Variants in CNGB3 observed in about 807,000 individuals in gnomAD.
CNGB3 encodes the protein cyclic nucleotide-gated channel beta-3.
In CNGB3, 86 loss-of-function variants were observed where a neutral mutation model predicts 92.8. That is an observed-to-expected ratio of 0.93 (90% CI 0.78 to 1.11). CNGB3 has a LOEUF of 1.11. Ranked by LOEUF, CNGB3 falls within the 50% of genes least tolerant of loss-of-function variation. The probability of loss-of-function intolerance (pLI) is 0.00; values close to 1 mark genes in which losing one functional copy is unlikely to be tolerated. For missense variants in CNGB3, 1,026 were observed against 956.8 expected (o/e 1.07, Z -0.95); for synonymous variants, 333 against 332.7 (o/e 1.00, Z -0.01).
intron 3 of CNGB3, among the ~76,000 whole-genome samples, chr8:86,694,934 G>A (rs1824417711): frequency 6.6e-6 from 1 of 152,202 alleles, no homozygotes. Context: ...AGCACTTTGG[G>A]AGGCTAAGGC....
At chr8:86,645,546 A>G (rs1823280361) in intron 8 of CNGB3, among the ~76,000 whole-genome samples, 1 of 151,308 alleles carries the variant, frequency 6.6e-6, no homozygotes, top group Admixed American at 6.6e-5. Context: ...TGTGCTTCAA[A>G]TCATAGACTC....
chr8:86,640,953 T>C (rs1038268897), intron 10 of CNGB3, among the ~76,000 whole-genome samples: 1 of 151,828 alleles, frequency 6.6e-6, no homozygotes, highest in Non-Finnish European at 1.5e-5. Flanking sequence ...TCCCAGGAGG[T>C]TAAGCATCCT....
chr8:86,704,182 G>A (rs1258766498), intron 3 of CNGB3: 1 of 152,192 alleles, frequency 6.6e-6, no homozygotes, highest in African/African-American at 2.4e-5. Flanking sequence ...CCAGAGAAGA[G>A]AAAATGTTAT....
intron 9 of CNGB3, 113 bp downstream of exon 9, chr8:86,644,509 C>A: frequency 7.2e-7 from 1 of 1,393,154 alleles, no homozygotes; most frequent in South Asian, 1.3e-5. Context: ...ATAGCCAAAG[C>A]TGAAATTATA....
At chr8:86,728,880 A>G (rs1563768514) in intron 2 of CNGB3, among the ~76,000 whole-genome samples, 2 of 152,178 alleles carry the variant, frequency 1.3e-5, no homozygotes, top group Non-Finnish European at 2.9e-5. Context: ...TAGAATCTGT[A>G]CTGTAAAACA....
At chr8:86,677,358 A>T (rs1428915887) in intron 3 of CNGB3, among the ~76,000 whole-genome samples, 2 of 152,244 alleles carry the variant, frequency 1.3e-5, no homozygotes, top group African/African-American at 4.8e-5. Flanking sequence ...CAATACATTC[A>T]GTTTAGTAAA....
At chr8:86,737,778 C>G (rs1825272161) in intron 2 of CNGB3, among the ~76,000 whole-genome samples, 1 of 152,118 alleles carries the variant, frequency 6.6e-6, no homozygotes, top group Admixed American at 6.5e-5. Flanking sequence ...TTGTTCCCAT[C>G]TTTATATGTG....
chr8:86,715,977 A>G (rs963969632), intron 3 of CNGB3, among the ~76,000 whole-genome samples: 1 of 152,018 alleles, frequency 6.6e-6, no homozygotes, highest in Non-Finnish European at 1.5e-5. Flanking sequence ...AAGTATAATA[A>G]TAATAAAAAA....
intron 15 of CNGB3, among the ~76,000 whole-genome samples, chr8:86,600,760 C>T (rs1403336471): frequency 2.1e-5 from 3 of 145,210 alleles, no homozygotes; most frequent in Middle Eastern, 3.8e-3. Flanking sequence ...CAGGTGCCCA[C>T]CACCACGCTC....
At chr8:86,653,362 T>C (rs1435119667) in intron 7 of CNGB3, among the ~76,000 whole-genome samples, 1 of 151,932 alleles carries the variant, frequency 6.6e-6, no homozygotes, top group Non-Finnish European at 1.5e-5. Context: ...GATGTAATCA[T>C]TGTAGATTTC....
intron 13 of CNGB3, 97 bp downstream of exon 13, chr8:86,625,886 A>G: frequency 2.0e-6 from 2 of 995,908 alleles, no homozygotes; most frequent in Non-Finnish European, 3.1e-6. Flanking sequence ...ACTTTGTTAA[A>G]ACATAAGGCA....
intron 15 of CNGB3, chr8:86,594,306 A>G: frequency 3.3e-6 from 1 of 300,702 alleles, no homozygotes; most frequent in South Asian, 3.1e-5. Flanking sequence ...AAGGAGTGGG[A>G]GAAGTCTACA....
At chr8:86,622,907 T>G (rs560886698) in intron 13 of CNGB3, among the ~76,000 whole-genome samples, 244 of 152,328 alleles carry the variant, frequency 1.6e-3, no homozygotes, top group Non-Finnish European at 3.1e-3. Context: ...CATCAAAATA[T>G]TGATGGAAAT....
intron 10 of CNGB3, among the ~76,000 whole-genome samples, chr8:86,639,506 A>G (rs1039263823): frequency 2.0e-5 from 3 of 152,098 alleles, no homozygotes; most frequent in Admixed American, 2.0e-4. Context: ...TGTTCCATTT[A>G]TGCCCCACAG....
At chr8:86,688,227 G>T (rs758117367) in intron 3 of CNGB3, among the ~76,000 whole-genome samples, 1 of 151,934 alleles carries the variant, frequency 6.6e-6, no homozygotes, top group African/African-American at 2.4e-5. Flanking sequence ...TTGTGAACCT[G>T]AGCTAAGATG....
intron 7 of CNGB3, among the ~76,000 whole-genome samples, chr8:86,648,559 A>G (rs1823336105): frequency 6.6e-6 from 1 of 151,264 alleles, no homozygotes; most frequent in Non-Finnish European, 1.5e-5. Flanking sequence ...TCATGTATTA[A>G]AATTATTTTG....
intron 14 of CNGB3, 57 bp downstream of exon 14, chr8:86,611,531 T>C: frequency 7.3e-7 from 1 of 1,373,424 alleles, no homozygotes; most frequent in South Asian, 1.2e-5. Flanking sequence ...TTGACTTATG[T>C]CCGAAATCCT....
chr8:86,726,235 G>A (rs1825058104), intron 3 of CNGB3, among the ~76,000 whole-genome samples: 1 of 152,020 alleles, frequency 6.6e-6, no homozygotes, highest in Admixed American at 6.6e-5. Flanking sequence ...AAATATATAG[G>A]CTGTTTCCAT....
intron 8 of CNGB3, 129 bp downstream of exon 8, chr8:86,647,672 G>A (rs1365287309): frequency 3.2e-6 from 2 of 634,150 alleles, no homozygotes; most frequent in East Asian, 5.7e-5. Context: ...GAAAGATGGA[G>A]AAGAGTTTGG....
Sources: allele counts gnomAD v4.1 joint callset (sites outside exome capture counted in the v4.1 genomes callset), GRCh38; gene constraint gnomAD v4.1.1; transcripts MANE v1.5; gene names NCBI Gene and HGNC (gene_info 2026-07-23, HGNC 2026-07-21).